MAGI2: variants seen among roughly 807,000 people sequenced by gnomAD.
MAGI2 encodes the protein membrane associated guanylate kinase, WW and PDZ domain containing 2, also known as membrane-associated guanylate kinase, WW and PDZ domain-containing protein 2.
MAGI2 carries 35 observed loss-of-function variants against 133.3 expected under a neutral mutation model. That is an observed-to-expected ratio of 0.26 (90% CI 0.20 to 0.35). The LOEUF (loss-of-function observed/expected upper bound fraction) is 0.35. Among genes scored for constraint, MAGI2 ranks in the 10% least tolerant of loss-of-function variants. MAGI2 has a pLI of 1.00. For synonymous variants in MAGI2, 729 were observed against 710.6 expected (o/e 1.03, Z -0.41); for missense variants, 1,636 against 1,863.4 (o/e 0.88, Z 2.25).
chr7:79,084,252 T>C (rs1039611265), intron 1 of MAGI2, among the ~76,000 whole-genome samples: 2 of 151,778 alleles, frequency 1.3e-5, no homozygotes, highest in Non-Finnish European at 3.0e-5. Flanking sequence ...GGTTATTGAT[T>C]TGAGTTCTAT....
At chr7:78,301,461 T>A (rs1196915812) in intron 9 of MAGI2, among the ~76,000 whole-genome samples, 2 of 152,176 alleles carry the variant, frequency 1.3e-5, no homozygotes, top group African/African-American at 4.8e-5. Context: ...GAACCAGGCA[T>A]GCGAGACTCA....
chr7:79,385,742 A>G lies in MAGI2; in HGVS notation c.301+67278T>C, dbSNP rs139853862. On this transcript the variant is annotated intron_variant, in intron 1 of 21. Coordinates refer to ENST00000354212, the MANE Select transcript of MAGI2 (RefSeq NM_012301.4). ...AAAGGATACAAAAGAGCGAATATGT[A>G]GGATGACAAGTTTAGAGATCTAACA... Among the ~76,000 whole-genome samples, 268 of 152,078 alleles carry G rather than the reference A, an allele frequency of 1.8e-3. 3 individuals are homozygous for G. Among genetic ancestry groups the G allele is most frequent in the African/African-American group, 6.0e-3 (249 of 41,530 alleles).
chr7:78,859,121 G>C (rs1793929696), intron 2 of MAGI2, among the ~76,000 whole-genome samples: 1 of 151,536 alleles, frequency 6.6e-6, no homozygotes, highest in South Asian at 2.1e-4. Context: ...TTTATTTTGA[G>C]CCTATGTGTG....
At chr7:79,394,071 C>A (rs1416044107) in intron 1 of MAGI2, among the ~76,000 whole-genome samples, 1 of 152,138 alleles carries the variant, frequency 6.6e-6, no homozygotes, top group Non-Finnish European at 1.5e-5. Context: ...AAGAGTTCTT[C>A]TAAGACTTGG....
At chr7:79,148,985 T>C (rs867832912) in intron 1 of MAGI2, among the ~76,000 whole-genome samples, 4 of 145,988 alleles carry the variant, frequency 2.7e-5, no homozygotes, top group Non-Finnish European at 4.5e-5. Context: ...CTGTCTATTT[T>C]CTGGGACATT....
chr7:78,939,508 AG>A (rs1800805702), intron 2 of MAGI2, among the ~76,000 whole-genome samples: 1 of 152,158 alleles, frequency 6.6e-6, no homozygotes, highest in African/African-American at 2.4e-5. Flanking sequence ...CAAATGGTAA[AG>A]TTGTAAAGGC....
intron 3 of MAGI2, among the ~76,000 whole-genome samples, chr7:78,532,026 T>C (rs1037632253): frequency 6.6e-6 from 1 of 152,172 alleles, no homozygotes; most frequent in African/African-American, 2.4e-5. Context: ...AAGCTTGACA[T>C]GGTAAGAGCT....
chr7:78,666,396 G>A (rs922063562), intron 2 of MAGI2, among the ~76,000 whole-genome samples: 6 of 152,172 alleles, frequency 3.9e-5, no homozygotes, highest in African/African-American at 9.6e-5. Context: ...TCATTGTATA[G>A]TTCATTGTAT....
intron 2 of MAGI2, among the ~76,000 whole-genome samples, chr7:78,984,278 C>T (rs1805048249): frequency 6.6e-6 from 1 of 151,976 alleles, no homozygotes; most frequent in South Asian, 2.1e-4. Context: ...GACTCCTGTT[C>T]AGCATTCTCC....
At chr7:78,443,070 G>T (rs951862871) in intron 6 of MAGI2, among the ~76,000 whole-genome samples, 2 of 150,290 alleles carry the variant, frequency 1.3e-5, no homozygotes, top group Non-Finnish European at 3.0e-5. Context: ...TGCACAGTAA[G>T]CATGTGGCCC....
At chr7:78,344,017 G>T in intron 8 of MAGI2, 57 bp from the exon 9 acceptor site, 1 of 1,528,270 alleles carries the variant, frequency 6.5e-7, no homozygotes, top group South Asian at 1.2e-5. Context: ...CAAGTTCTCA[G>T]ACAAGAGAAA....
intron 4 of MAGI2, among the ~76,000 whole-genome samples, chr7:78,508,536 C>T (rs919934066): frequency 6.6e-6 from 1 of 152,230 alleles, no homozygotes; most frequent in African/African-American, 2.4e-5. Flanking sequence ...CGTTAAGAAC[C>T]GAGCAAACTT....
intron 1 of MAGI2, chr7:79,352,027 A>T (rs1841724768): frequency 6.6e-6 from 1 of 152,164 alleles, no homozygotes; most frequent in South Asian, 2.1e-4. Context: ...AATGTTGTAT[A>T]CTTTTCCCGT....
chr7:78,829,770 T>A (rs1264515648), intron 2 of MAGI2, among the ~76,000 whole-genome samples: 1 of 152,134 alleles, frequency 6.6e-6, no homozygotes, highest in Non-Finnish European at 1.5e-5. Context: ...CAAAAATATA[T>A]ATCCAAAAGT....
chr7:79,385,345 G>A (rs912323738), intron 1 of MAGI2, among the ~76,000 whole-genome samples: 1 of 151,854 alleles, frequency 6.6e-6, no homozygotes, highest in Non-Finnish European at 1.5e-5. Flanking sequence ...ACCAGGAATG[G>A]AATAATGGTT....
intron 9 of MAGI2, among the ~76,000 whole-genome samples, chr7:78,289,842 A>T (rs1055686017): frequency 2.0e-5 from 3 of 152,186 alleles, no homozygotes; most frequent in Admixed American, 6.5e-5. Context: ...TTTCATCTCC[A>T]GCCCAACTAA....
intron 12 of MAGI2, among the ~76,000 whole-genome samples, chr7:78,188,130 C>T (rs1827867112): frequency 1.3e-5 from 2 of 152,072 alleles, no homozygotes; most frequent in Admixed American, 6.6e-5. Flanking sequence ...TTTTATTTTG[C>T]TATCTCTATA....
At chr7:78,761,371 C>A (rs1824487821) in intron 2 of MAGI2, among the ~76,000 whole-genome samples, 1 of 152,030 alleles carries the variant, frequency 6.6e-6, no homozygotes, top group African/African-American at 2.4e-5. Context: ...CAAAATTGAC[C>A]ATAACTTCAT....
chr7:78,444,917 G>A (rs1419907548), intron 6 of MAGI2, among the ~76,000 whole-genome samples: 1 of 148,768 alleles, frequency 6.7e-6, no homozygotes, highest in African/African-American at 2.5e-5. Context: ...AAATATATAT[G>A]TAAACTAATA....
Sources: allele counts gnomAD v4.1 joint callset (sites outside exome capture counted in the v4.1 genomes callset), GRCh38; gene constraint gnomAD v4.1.1; transcripts MANE v1.5; gene names NCBI Gene and HGNC (gene_info 2026-07-23, HGNC 2026-07-21).